Variants in PDGFD observed in about 807,000 individuals in gnomAD.
PDGFD encodes platelet-derived growth factor D.
PDGFD carries 30 observed loss-of-function variants against 44.7 expected under a neutral mutation model. The observed-to-expected ratio is 0.67, with a 90% CI of 0.50 to 0.91. The LOEUF (loss-of-function observed/expected upper bound fraction) is 0.91, where lower values mean the gene tolerates loss of function less well. PDGFD is among the 40% of genes least tolerant of loss of function. PDGFD has a pLI of 0.00. For missense variants in PDGFD, 445 were observed against 457.8 expected (o/e 0.97, Z 0.25); for synonymous variants, 173 against 168.4 (o/e 1.03, Z -0.21).
At chr11:103,910,449 G>A (rs1273920434) in intron 6 of PDGFD, among the ~76,000 whole-genome samples, 3 of 152,188 alleles carry the variant, frequency 2.0e-5, no homozygotes, top group African/African-American at 7.2e-5. Flanking sequence ...CACGGAAGGT[G>A]AGCTGAAGCA....
chr11:103,943,322 T>TTCCAAAATCCAAAAAGCA lies in PDGFD; in HGVS notation c.772+112_772+129dup, dbSNP rs1313772720. On this transcript the variant is annotated intron_variant, in intron 5 of 6. Transcript: ENST00000393158. Reference sequence around the variant, plus strand: ...GAGCCAGCAAGTATAAATGTAAATGTTCCAAAATCCAAAAAGCATCCAAAA... The same window carrying TTCCAAAATCCAAAAAGCA: ...GAGCCAGCAAGTATAAATGTAAATGTTCCAAAATCCAAAAAGCATCCAAAATCCAAAAAGCATCCAAAA... The TTCCAAAATCCAAAAAGCA allele has an allele frequency of 2.6e-5, 23 of 871,172 alleles. No homozygotes were observed. The African/African-American group carries it at 3.1e-4, about 12-fold the overall frequency. 54.0% of individuals were successfully genotyped at this position (871,172 alleles called of 1,614,324 possible).
intron 3 of PDGFD, among the ~76,000 whole-genome samples, chr11:103,958,535 AG>A (rs1858890365): frequency 6.6e-6 from 1 of 152,198 alleles, no homozygotes; most frequent in Non-Finnish European, 1.5e-5. Flanking sequence ...GAAAATTACA[AG>A]TTTGAAATGA....
intron 6 of PDGFD, among the ~76,000 whole-genome samples, chr11:103,914,679 A>T (rs1284844007): frequency 6.6e-6 from 1 of 152,212 alleles, no homozygotes; most frequent in Non-Finnish European, 1.5e-5. Context: ...CCTGATGAAC[A>T]TTGATGTGAA....
intron 3 of PDGFD, among the ~76,000 whole-genome samples, chr11:103,953,440 T>A (rs2171464): frequency 0.57 from 86,567 of 152,040 alleles, 26,953 homozygotes; most frequent in African/African-American, 0.84. Flanking sequence ...ATTCACAAAA[T>A]GTTGATATTG....
intron 5 of PDGFD, 57 bp from the exon 6 acceptor site, chr11:103,927,183 G>A: frequency 6.7e-7 from 1 of 1,488,288 alleles, no homozygotes; most frequent in Non-Finnish European, 9.3e-7. Context: ...CAATTGCTCA[G>A]CATGTGTTTT....
chr11:104,120,237 C>T (rs999349105), intron 1 of PDGFD, among the ~76,000 whole-genome samples: 2 of 151,630 alleles, frequency 1.3e-5, no homozygotes, highest in Non-Finnish European at 2.9e-5. Context: ...GCTTTCATTA[C>T]TTGATGGCTA....
rs1433063137 is a variant in PDGFD at position 103,909,834 on chromosome 11, A to G, written c.988-15T>C. ...AACTGTAATACCTAGGACAAGAAGC[A>G]CATCTCCTGTTAGAAAGCCTTTGGA... On this transcript the variant is annotated splice_polypyrimidine_tract_variant and intron_variant, in intron 6 of 6. Coordinates refer to ENST00000393158, the MANE Select transcript of PDGFD (RefSeq NM_025208.5). 1.8e-5 allele frequency: 29 copies of G among 1,613,926 alleles called. No homozygotes were observed. Among genetic ancestry groups the G allele is most frequent in the Non-Finnish European group, 2.4e-5 (28 of 1,179,930 alleles).
In PDGFD at chr11:104,066,133, A is replaced by C. The variant is rs150924859; in HGVS notation, c.125-65878T>G. Among the ~76,000 whole-genome samples, 1,195 of 152,300 alleles carry C rather than the reference A, an allele frequency of 7.8e-3. 21 individuals are homozygous for C. The highest frequency in any genetic ancestry group is 0.027 in the African/African-American group (1,118 of 41,566). ...CAGCATCAGGGCATAGTAAAAATGG[A>C]GGGAAATCACCAGCTTTTGTGGAGG... On this transcript the variant is annotated intron_variant, in intron 1 of 6. Coordinates refer to ENST00000393158, the MANE Select transcript of PDGFD (RefSeq NM_025208.5).
chr11:104,063,181 G>A (rs1860738830), intron 1 of PDGFD, among the ~76,000 whole-genome samples: 1 of 152,026 alleles, frequency 6.6e-6, no homozygotes, highest in Non-Finnish European at 1.5e-5. Flanking sequence ...AGATTTTGAC[G>A]CCTTTCTACA....
At chr11:103,959,034 A>C (rs1858897905) in intron 3 of PDGFD, among the ~76,000 whole-genome samples, 1 of 152,210 alleles carries the variant, frequency 6.6e-6, no homozygotes, top group Non-Finnish European at 1.5e-5. Flanking sequence ...CACTCATGAA[A>C]TGTTACTCAG....
intron 1 of PDGFD, among the ~76,000 whole-genome samples, chr11:104,116,255 C>A (rs1378621437): frequency 6.6e-6 from 1 of 152,014 alleles, no homozygotes; most frequent in East Asian, 1.9e-4. Context: ...ATGTGGCCTG[C>A]CAATTATCTC....
At chr11:104,089,238 A>C (rs1861176641) in intron 1 of PDGFD, among the ~76,000 whole-genome samples, 1 of 152,216 alleles carries the variant, frequency 6.6e-6, no homozygotes, top group Non-Finnish European at 1.5e-5. Flanking sequence ...TTTGGTAGTC[A>C]GAGAATTAAT....
chr11:104,001,316 A>G (rs959698664), intron 1 of PDGFD, among the ~76,000 whole-genome samples: 7 of 152,244 alleles, frequency 4.6e-5, no homozygotes, highest in East Asian at 1.9e-4. Flanking sequence ...CAGAAGCTTC[A>G]TGCTTGAGAC....
chr11:104,047,175 A>G (rs1264022656), intron 1 of PDGFD, among the ~76,000 whole-genome samples: 1 of 147,692 alleles, frequency 6.8e-6, no homozygotes, highest in African/African-American at 2.5e-5. Flanking sequence ...AGTTTTTGCC[A>G]TTGTGAACAG....
At chr11:104,115,164 G>A (rs1269736346) in intron 1 of PDGFD, among the ~76,000 whole-genome samples, 2 of 151,212 alleles carry the variant, frequency 1.3e-5, no homozygotes, top group African/African-American at 2.4e-5. Flanking sequence ...TTCCATTCCT[G>A]AGTAACTTCA....
intron 1 of PDGFD, among the ~76,000 whole-genome samples, chr11:104,058,141 A>C (rs564584504): frequency 9.9e-4 from 151 of 152,338 alleles, no homozygotes; most frequent in African/African-American, 3.3e-3. Context: ...CATAAAAGAA[A>C]ACAAATTGAT....
intron 3 of PDGFD, among the ~76,000 whole-genome samples, chr11:103,992,189 G>C (rs528483753): frequency 4.8e-4 from 73 of 152,250 alleles, no homozygotes; most frequent in African/African-American, 1.7e-3. Flanking sequence ...CTGAACAGGA[G>C]AGCAATAAAA....
At chr11:103,944,077 T>G (rs763725840) in intron 4 of PDGFD, among the ~76,000 whole-genome samples, 2 of 152,180 alleles carry the variant, frequency 1.3e-5, no homozygotes, top group Non-Finnish European at 2.9e-5. Context: ...ACTGTTAAGT[T>G]CCACATTCCC....
chr11:104,059,698 CAG>C (rs1860681275), intron 1 of PDGFD, among the ~76,000 whole-genome samples: 1 of 152,186 alleles, frequency 6.6e-6, no homozygotes, highest in Non-Finnish European at 1.5e-5. Context: ...ACTGCTTGAA[CAG>C]CCTTCCTCCC....
Sources: allele counts gnomAD v4.1 joint callset (sites outside exome capture counted in the v4.1 genomes callset), GRCh38; gene constraint gnomAD v4.1.1; transcripts MANE v1.5; gene names NCBI Gene and HGNC (gene_info 2026-07-23, HGNC 2026-07-21).